TRHDE: variants seen among roughly 807,000 people sequenced by gnomAD.
TRHDE encodes thyrotropin-releasing hormone-degrading ectoenzyme.
A neutral mutation model predicts 125.7 loss-of-function variants in TRHDE; 72 were observed. The ratio of observed to expected loss-of-function variants is 0.57; its 90% CI spans 0.47 to 0.70. The LOEUF (loss-of-function observed/expected upper bound fraction) is 0.70. TRHDE is among the 30% of genes least tolerant of loss of function. The pLI is 0.00. For missense variants in TRHDE, 1,110 were observed against 1,327.1 expected (o/e 0.84, Z 2.54); for synonymous variants, 509 against 509.1 (o/e 1.00, Z 0.00).
At chr12:72,661,614 A>G (rs1874920984) in intron 18 of TRHDE, among the ~76,000 whole-genome samples, 1 of 152,172 alleles carries the variant, frequency 6.6e-6, no homozygotes, top group South Asian at 2.1e-4. Flanking sequence ...TGTTAATCAG[A>G]TAAAGTTTAA....
intron 5 of TRHDE, among the ~76,000 whole-genome samples, chr12:72,481,859 A>G (rs573943829): frequency 6.6e-6 from 1 of 152,126 alleles, no homozygotes; most frequent in East Asian, 1.9e-4. Context: ...ATGAAGATAC[A>G]TGGGAATGCT....
chr12:72,237,640 C>G (rs1392833696), intron 2 of TRHDE, among the ~76,000 whole-genome samples: 1 of 152,166 alleles, frequency 6.6e-6, no homozygotes, highest in African/African-American at 2.4e-5. Context: ...ACTGTGTGCA[C>G]TCTCTCTCCC....
At chr12:72,446,968 G>T (rs1453707044) in intron 3 of TRHDE, among the ~76,000 whole-genome samples, 21 of 152,058 alleles carry the variant, frequency 1.4e-4, no homozygotes, top group Admixed American at 5.2e-4. Context: ...GAGACAGAAA[G>T]TTAACAAGGA....
At chr12:72,250,425 A>T (rs1168996855) in intron 2 of TRHDE, among the ~76,000 whole-genome samples, 3 of 152,144 alleles carry the variant, frequency 2.0e-5, no homozygotes. Flanking sequence ...CTGGCTTCAG[A>T]GTCAGATAAT....
chr12:72,376,743 T>C (rs991032883), intron 2 of TRHDE, among the ~76,000 whole-genome samples: 3 of 152,184 alleles, frequency 2.0e-5, no homozygotes, highest in Non-Finnish European at 2.9e-5. Flanking sequence ...TCAATTTTTA[T>C]TATAAATAAT....
In TRHDE at chr12:72,211,979, G is replaced by A. The variant is rs1267693800; in HGVS notation, n.279+106227G>A. On this transcript the variant is annotated intron_variant and non_coding_transcript_variant, in intron 2 of 4. Transcript: ENST00000548156. ...GAAAAAAACCTGTCTACACAACTAT[G>A]TGCATTATGTAATCCCACTAAAATG... Among the ~76,000 whole-genome samples the A allele has an allele frequency of 2.6e-5, 4 of 152,052 alleles. 1 individual carries two copies. The highest frequency in any genetic ancestry group is 5.9e-5 in the Non-Finnish European group (4 of 67,960).
At chr12:72,122,269 A>G (rs1016715910) in intron 2 of TRHDE, among the ~76,000 whole-genome samples, 1 of 152,156 alleles carries the variant, frequency 6.6e-6, no homozygotes, top group Non-Finnish European at 1.5e-5. Flanking sequence ...TTTACAATCA[A>G]TTCTTTATTC....
chr12:72,516,782 T>C (rs997330626), intron 6 of TRHDE, among the ~76,000 whole-genome samples: 9 of 152,168 alleles, frequency 5.9e-5, no homozygotes, highest in Non-Finnish European at 4.4e-5. Flanking sequence ...GCTGTGGGTC[T>C]GTCATAGATA....
intron 2 of TRHDE, among the ~76,000 whole-genome samples, chr12:72,211,045 C>T (rs1312548485): frequency 6.6e-6 from 1 of 152,192 alleles, no homozygotes; most frequent in African/African-American, 2.4e-5. Context: ...CTAGACCTGA[C>T]TCCTGTATTT....
chr12:72,279,765 A>C (rs1879624934), intron 1 of TRHDE, among the ~76,000 whole-genome samples: 1 of 152,078 alleles, frequency 6.6e-6, no homozygotes, highest in African/African-American at 2.4e-5. Context: ...CAAGCTTCTG[A>C]ATGCCTGGGT....
intron 12 of TRHDE, among the ~76,000 whole-genome samples, chr12:72,584,508 A>G (rs1383569077): frequency 6.6e-6 from 1 of 152,186 alleles, no homozygotes; most frequent in Non-Finnish European, 1.5e-5. Flanking sequence ...TTCCTTTAAT[A>G]TAACTATAAT....
chr12:72,232,495 T>G (rs529767327), intron 2 of TRHDE, among the ~76,000 whole-genome samples: 1 of 152,168 alleles, frequency 6.6e-6, no homozygotes, highest in Admixed American at 6.5e-5. Context: ...AAGAATTGAC[T>G]ACATCTAGGA....
At chr12:72,345,697 G>A (rs1234384670) in intron 2 of TRHDE, among the ~76,000 whole-genome samples, 1 of 152,036 alleles carries the variant, frequency 6.6e-6, no homozygotes, top group African/African-American at 2.4e-5. Flanking sequence ...ACAGAGCATT[G>A]TTTAATGGGG....
chr12:72,135,550 T>G (rs1273350485), intron 2 of TRHDE, among the ~76,000 whole-genome samples: 3 of 118,206 alleles, frequency 2.5e-5, no homozygotes, highest in Admixed American at 8.2e-5. Flanking sequence ...TGTAAACATG[T>G]TTTTTTTTTT....
chr12:72,167,831 G>A (rs557962843), intron 2 of TRHDE, among the ~76,000 whole-genome samples: 2 of 152,312 alleles, frequency 1.3e-5, no homozygotes, highest in African/African-American at 4.8e-5. Context: ...ATAGCATTTT[G>A]TTTCTTGCTG....
At chr12:72,159,820 A>T (rs942803985) in intron 2 of TRHDE, among the ~76,000 whole-genome samples, 5 of 152,056 alleles carry the variant, frequency 3.3e-5, no homozygotes, top group African/African-American at 1.2e-4. Context: ...TCACTGCTGC[A>T]AATACTATGT....
At chr12:72,472,200 C>G (rs1465878000) in intron 4 of TRHDE, among the ~76,000 whole-genome samples, 1 of 152,122 alleles carries the variant, frequency 6.6e-6, no homozygotes, top group South Asian at 2.1e-4. Flanking sequence ...TCCCCTCATC[C>G]CCCCTACCTC....
At chr12:72,549,943 TA>T (rs1448539251) in intron 7 of TRHDE, among the ~76,000 whole-genome samples, 1 of 151,808 alleles carries the variant, frequency 6.6e-6, no homozygotes, top group Non-Finnish European at 1.5e-5. Flanking sequence ...TAATATTAAC[TA>T]AAAAACTCGT....
chr12:72,372,800 G>A (rs1311447577), intron 2 of TRHDE, among the ~76,000 whole-genome samples: 5 of 152,204 alleles, frequency 3.3e-5, no homozygotes, highest in African/African-American at 1.2e-4. Context: ...TAGACTTGTA[G>A]TATAGTTTGA....
Sources: allele counts gnomAD v4.1 joint callset (sites outside exome capture counted in the v4.1 genomes callset), GRCh38; gene constraint gnomAD v4.1.1; transcripts MANE v1.5; gene names NCBI Gene and HGNC (gene_info 2026-07-23, HGNC 2026-07-21).